Variants in NKAIN2 observed in about 807,000 individuals in gnomAD.
NKAIN2 encodes the protein sodium/potassium transporting ATPase interacting 2.
Under a neutral mutation model 32.6 loss-of-function variants are expected in NKAIN2, and 14 were observed. That is an observed-to-expected ratio of 0.43 (90% confidence interval 0.28 to 0.67). The LOEUF is 0.67. Among genes scored for constraint, NKAIN2 ranks in the 30% least tolerant of loss-of-function variants. The pLI is 0.17. For synonymous variants in NKAIN2, 80 were observed against 87.2 expected (o/e 0.92, Z 0.46); for missense variants, 198 against 258.3 (o/e 0.77, Z 1.60).
At position 124,679,523 on chromosome 6, in the gene NKAIN2, A is replaced by G. The variant is rs117462432; in HGVS notation, c.474+21137A>G. On this transcript the variant is annotated intron_variant, in intron 4 of 6. Transcript: ENST00000368417. The stretch of plus-strand genomic sequence containing the variant: ...GGACTGTGATGAATGAGTGCCATCG[A>G]TTTTTCTGGCTTTGATGCAGCTAGT... 2.7e-3 allele frequency among the ~76,000 whole-genome samples: 416 copies of G among 152,042 alleles called. 1 individual carries two copies. Among genetic ancestry groups the G allele is most frequent in the Non-Finnish European group, 3.4e-3 (230 of 67,984 alleles).
intron 2 of NKAIN2, among the ~76,000 whole-genome samples, chr6:124,322,122 A>C (rs1171385497): frequency 2.0e-5 from 3 of 152,158 alleles, no homozygotes; most frequent in Admixed American, 1.3e-4. Context: ...ATATTGCACT[A>C]AAAAACTTTG....
intron 1 of NKAIN2, among the ~76,000 whole-genome samples, chr6:124,088,563 A>C (rs1784291035): frequency 1.3e-5 from 2 of 152,070 alleles, no homozygotes; most frequent in Admixed American, 1.3e-4. Flanking sequence ...AGAATTATTT[A>C]GTTTTTACCT....
chr6:124,523,658 G>A (rs1779206546), intron 3 of NKAIN2, among the ~76,000 whole-genome samples: 1 of 152,010 alleles, frequency 6.6e-6, no homozygotes, highest in Non-Finnish European at 1.5e-5. Flanking sequence ...ACTACCAAAG[G>A]GATATATGTA....
chr6:123,850,648 A>T (rs1272534994), intron 1 of NKAIN2, among the ~76,000 whole-genome samples: 1 of 152,134 alleles, frequency 6.6e-6, no homozygotes, highest in East Asian at 1.9e-4. Context: ...GCATTTATTT[A>T]TTATGTACAA....
intron 1 of NKAIN2, among the ~76,000 whole-genome samples, chr6:124,125,287 G>T (rs866671657): frequency 1.3e-5 from 2 of 152,126 alleles, no homozygotes; most frequent in Non-Finnish European, 2.9e-5. Flanking sequence ...GCACACGAGT[G>T]CACACTGTGG....
At chr6:123,972,937 A>G (rs552676368) in intron 1 of NKAIN2, among the ~76,000 whole-genome samples, 1 of 152,240 alleles carries the variant, frequency 6.6e-6, no homozygotes, top group East Asian at 1.9e-4. Flanking sequence ...CATATCCATA[A>G]AATTAATATA....
chr6:123,870,899 A>G (rs780610416), intron 1 of NKAIN2, among the ~76,000 whole-genome samples: 8 of 152,080 alleles, frequency 5.3e-5, no homozygotes, highest in Non-Finnish European at 1.2e-4. Context: ...GAGTGTATAT[A>G]TATGTCTTTT....
chr6:124,006,920 G>T (rs1780101634), intron 1 of NKAIN2, among the ~76,000 whole-genome samples: 1 of 152,176 alleles, frequency 6.6e-6, no homozygotes, highest in African/African-American at 2.4e-5. Context: ...AATAGCTTTT[G>T]TGACTGACCT....
intron 1 of NKAIN2, among the ~76,000 whole-genome samples, chr6:123,949,400 C>T (rs181426913): frequency 2.1e-4 from 32 of 152,112 alleles, no homozygotes; most frequent in Non-Finnish European, 1.9e-4. Context: ...GCAGGATGGT[C>T]ATTTTAACAA....
chr6:124,113,622 C>T (rs947790566), intron 1 of NKAIN2, among the ~76,000 whole-genome samples: 3 of 152,052 alleles, frequency 2.0e-5, no homozygotes, highest in Admixed American at 1.3e-4. Flanking sequence ...CCCCCCGCCC[C>T]GACTCCCCAC....
At chr6:124,575,078 TAAATCTCAAAATTCTTTTTCTGAA>T (rs1413425108) in intron 3 of NKAIN2, among the ~76,000 whole-genome samples, 1 of 152,230 alleles carries the variant, frequency 6.6e-6, no homozygotes, top group African/African-American at 2.4e-5. Context: ...CACCTGTAGT[TAAATCTCAAAATTCTTTTTCTGAA>T]AAGAATCAAG....
At chr6:124,805,396 C>T (rs1780498034) in intron 5 of NKAIN2, among the ~76,000 whole-genome samples, 2 of 152,186 alleles carry the variant, frequency 1.3e-5, no homozygotes, top group South Asian at 4.1e-4. Context: ...TGGAGTGGAC[C>T]TCTAGCAAAC....
At chr6:124,205,982 T>C (rs192014795) in intron 1 of NKAIN2, among the ~76,000 whole-genome samples, 1 of 152,020 alleles carries the variant, frequency 6.6e-6, no homozygotes, top group Admixed American at 6.6e-5. Context: ...GAGCAAAATA[T>C]TCACTCATCT....
intron 1 of NKAIN2, among the ~76,000 whole-genome samples, chr6:124,210,067 G>A (rs998004051): frequency 1.3e-5 from 2 of 150,884 alleles, no homozygotes; most frequent in African/African-American, 4.9e-5. Flanking sequence ...TTTTTCAGTG[G>A]TTTCATAGTT....
chr6:124,690,804 G>C (rs1303732930), intron 4 of NKAIN2, among the ~76,000 whole-genome samples: 6 of 152,114 alleles, frequency 3.9e-5, no homozygotes, highest in African/African-American at 2.4e-5. Context: ...TCAATTGAAT[G>C]CACTTCCTCT....
rs556236209 is a variant in NKAIN2, at chr6:123,984,440, A to G, written c.54+180186A>G. ...CTTACATATGATTCTAAAATGTAGC[A>G]CTGACCAATACTGTAATATCAGTAA... On this transcript the variant is annotated intron_variant, in intron 1 of 6. Transcript: ENST00000368417. 2.5e-4 allele frequency among the ~76,000 whole-genome samples: 38 copies of G among 152,302 alleles called. No individual in the cohort carries two copies. The East Asian group carries it at 7.3e-3, about 29-fold the overall frequency.
chr6:124,512,923 G>T (rs772758829), intron 3 of NKAIN2, among the ~76,000 whole-genome samples: 3 of 151,996 alleles, frequency 2.0e-5, no homozygotes, highest in Non-Finnish European at 2.9e-5. Context: ...AAAATAGCAA[G>T]ACATTATATA....
At chr6:124,310,612 T>C (rs1302067423) in intron 2 of NKAIN2, among the ~76,000 whole-genome samples, 1 of 152,152 alleles carries the variant, frequency 6.6e-6, no homozygotes, top group Non-Finnish European at 1.5e-5. Flanking sequence ...AAACATACCA[T>C]GCACTTCTTA....
At chr6:124,771,642 CAG>C (rs1778761352) in intron 4 of NKAIN2, among the ~76,000 whole-genome samples, 1 of 152,148 alleles carries the variant, frequency 6.6e-6, no homozygotes, top group Non-Finnish European at 1.5e-5. Flanking sequence ...AGTGTATTAA[CAG>C]AGATTAAATA....
Sources: allele counts gnomAD v4.1 joint callset (sites outside exome capture counted in the v4.1 genomes callset), GRCh38; gene constraint gnomAD v4.1.1; transcripts MANE v1.5; gene names NCBI Gene and HGNC (gene_info 2026-07-23, HGNC 2026-07-21).